The following ATAD1 variants were observed in gnomAD, a reference collection of about 807,000 sequenced individuals.
ATAD1 encodes outer mitochondrial transmembrane helix translocase.
In ATAD1, 18 loss-of-function variants were observed where a neutral mutation model predicts 42.7. The ratio of observed to expected loss-of-function variants is 0.42; its 90% CI spans 0.29 to 0.63. The LOEUF is 0.63. ATAD1 is among the 20% of genes least tolerant of loss of function. The probability of loss-of-function intolerance (pLI) is 0.19; values close to 1 mark genes in which losing one functional copy is unlikely to be tolerated. For missense variants in ATAD1, 294 were observed against 440.4 expected, an observed-to-expected ratio of 0.67 and a Z score of 2.98; for synonymous variants, 132 against 143.1, an observed-to-expected ratio of 0.92 and a Z score of 0.55.
intron 2 of ATAD1, among the ~76,000 whole-genome samples, chr10:87,804,648 G>A (rs1227807760): frequency 6.6e-6 from 1 of 152,104 alleles, no homozygotes; most frequent in Non-Finnish European, 1.5e-5. Flanking sequence ...GGGATTACAG[G>A]TATGAGCCAC....
At chr10:87,799,555 G>GA (rs1856580398) in intron 2 of ATAD1, among the ~76,000 whole-genome samples, 1 of 152,174 alleles carries the variant, frequency 6.6e-6, no homozygotes, top group African/African-American at 2.4e-5. Context: ...TTAGAAGCAA[G>GA]ATGGGGTGAG....
intron 1 of ATAD1, among the ~76,000 whole-genome samples, chr10:87,817,108 A>G (rs771653453): frequency 5.3e-5 from 8 of 152,204 alleles, no homozygotes; most frequent in Non-Finnish European, 7.4e-5. Context: ...ATAGTAGTCT[A>G]CCTTTTTAAA....
intron 3 of ATAD1, among the ~76,000 whole-genome samples, chr10:87,791,559 T>C (rs1340844996): frequency 2.0e-5 from 3 of 152,216 alleles, no homozygotes; most frequent in Admixed American, 2.0e-4. Flanking sequence ...GGTACCATTG[T>C]AAATCTATAA....
chr10:87,796,122 C>A (rs1454365411), intron 2 of ATAD1, among the ~76,000 whole-genome samples: 1 of 152,152 alleles, frequency 6.6e-6, no homozygotes, highest in Non-Finnish European at 1.5e-5. Flanking sequence ...GGAAAAACAT[C>A]TTCTACACAT....
intron 8 of ATAD1, among the ~76,000 whole-genome samples, chr10:87,757,961 T>C (rs1007966232): frequency 1.3e-5 from 2 of 152,188 alleles, no homozygotes; most frequent in Non-Finnish European, 2.9e-5. Flanking sequence ...AATCATGTTT[T>C]TTGATAAAAA....
intron 2 of ATAD1, among the ~76,000 whole-genome samples, chr10:87,799,794 T>TA (rs748674665): frequency 3.8e-5 from 3 of 78,308 alleles, no homozygotes; most frequent in South Asian, 3.6e-4. Flanking sequence ...TTTTTTTTTT[T>TA]AAAAAGTGTG....
At chr10:87,824,157 C>T (rs2132098866) in intron 1 of ATAD1, among the ~76,000 whole-genome samples, 1 of 151,722 alleles carries the variant, frequency 6.6e-6, no homozygotes, top group South Asian at 2.1e-4. Context: ...CAAGATTTAA[C>T]CTGACTAGAG....
chr10:87,772,236 G>T (rs1053564975), intron 6 of ATAD1, among the ~76,000 whole-genome samples: 3 of 150,466 alleles, frequency 2.0e-5, no homozygotes, highest in African/African-American at 7.4e-5. Context: ...TTTGAAGACA[G>T]AAAGTAGCTG....
chr10:87,839,785 T>A (rs1190205283), intron 1 of ATAD1, among the ~76,000 whole-genome samples: 1 of 151,968 alleles, frequency 6.6e-6, no homozygotes, highest in Non-Finnish European at 1.5e-5. Context: ...TTTATATCTG[T>A]GAACCTGGAT....
intron 6 of ATAD1, among the ~76,000 whole-genome samples, chr10:87,773,244 A>G (rs139921848): frequency 1.5e-3 from 228 of 152,344 alleles, no homozygotes; most frequent in African/African-American, 5.2e-3. Context: ...TTTACATCCC[A>G]AAACTTTAAC....
At chr10:87,770,869 A>G (rs113578732) in intron 7 of ATAD1, 83 bp downstream of exon 7, 27 of 1,279,104 alleles carry the variant, frequency 2.1e-5, no homozygotes, top group African/African-American at 1.5e-5. Context: ...ATATGACAAA[A>G]TATTCCCTTC....
At chr10:87,787,026 C>T (rs928517152) in intron 4 of ATAD1, among the ~76,000 whole-genome samples, 1 of 151,892 alleles carries the variant, frequency 6.6e-6, no homozygotes, top group Non-Finnish European at 1.5e-5. Flanking sequence ...CTAGAGATAA[C>T]GTTATTTAGA....
intron 7 of ATAD1, among the ~76,000 whole-genome samples, chr10:87,769,045 C>T (rs537361792): frequency 4.2e-4 from 64 of 152,196 alleles, no homozygotes; most frequent in African/African-American, 1.4e-3. Flanking sequence ...TATAATTGTA[C>T]GGCTGACAGA....
At chr10:87,763,036 A>G (rs1854564872) in intron 8 of ATAD1, among the ~76,000 whole-genome samples, 1 of 132,618 alleles carries the variant, frequency 7.5e-6, no homozygotes. Context: ...AGCCAAGATC[A>G]TGCCACTGCA....
chr10:87,839,749 C>T (rs188290173), intron 1 of ATAD1, among the ~76,000 whole-genome samples: 1 of 152,184 alleles, frequency 6.6e-6, no homozygotes, highest in East Asian at 1.9e-4. Flanking sequence ...CATCCATTCC[C>T]TCTTCTTTTT....
At chr10:87,798,665 G>A (rs1278870079) in intron 2 of ATAD1, among the ~76,000 whole-genome samples, 1 of 82,244 alleles carries the variant, frequency 1.2e-5, no homozygotes, top group East Asian at 2.6e-4. Flanking sequence ...TATTTAAAAT[G>A]CCTTTATAAT....
At chr10:87,816,196 C>T (rs557506033) in intron 1 of ATAD1, among the ~76,000 whole-genome samples, 34 of 152,164 alleles carry the variant, frequency 2.2e-4, no homozygotes, top group African/African-American at 7.7e-4. Flanking sequence ...ACAAAACAGA[C>T]GTTTATAATT....
At chr10:87,801,649 A>T (rs1247745901) in intron 2 of ATAD1, among the ~76,000 whole-genome samples, 1 of 152,260 alleles carries the variant, frequency 6.6e-6, no homozygotes, top group Non-Finnish European at 1.5e-5. Flanking sequence ...CAGAGATAAT[A>T]AATTCCCTTG....
intron 2 of ATAD1, among the ~76,000 whole-genome samples, chr10:87,812,207 T>C (rs1384226581): frequency 3.3e-5 from 5 of 152,210 alleles, no homozygotes; most frequent in Non-Finnish European, 7.3e-5. Flanking sequence ...ACATTGTATA[T>C]CACCCACCCA....
Sources: allele counts gnomAD v4.1 joint callset (sites outside exome capture counted in the v4.1 genomes callset), GRCh38; gene constraint gnomAD v4.1.1; transcripts MANE v1.5; gene names NCBI Gene and HGNC (gene_info 2026-07-23, HGNC 2026-07-21).